The following INTS9 variants were observed in gnomAD, a reference collection of about 807,000 sequenced individuals.
INTS9 encodes the protein protein related to CPSF subunits of 74 kDa.
INTS9 carries 55 observed loss-of-function variants against 79.7 expected under a neutral mutation model. That is an observed-to-expected ratio of 0.69 (90% CI 0.56 to 0.86). The LOEUF is 0.86. INTS9 is among the 40% of genes least tolerant of loss of function. The probability of loss-of-function intolerance (pLI) is 0.00; values close to 1 mark genes in which losing one functional copy is unlikely to be tolerated. For synonymous variants in INTS9, 319 were observed against 325.2 expected, an observed-to-expected ratio of 0.98 and a Z score of 0.20; for missense variants, 721 against 831.5, an observed-to-expected ratio of 0.87 and a Z score of 1.64.
intron 11 of INTS9, among the ~76,000 whole-genome samples, chr8:28,783,069 C>T (rs1458254051): frequency 6.9e-6 from 1 of 145,818 alleles, no homozygotes; most frequent in Non-Finnish European, 1.5e-5. Context: ...GGCATGAACC[C>T]AGGAGGCGGA....
At chr8:28,880,515 C>A (rs1400460831) in intron 1 of INTS9, among the ~76,000 whole-genome samples, 2 of 151,858 alleles carry the variant, frequency 1.3e-5, no homozygotes, top group East Asian at 3.9e-4. Flanking sequence ...CCAGCCTCGG[C>A]CTCCCGAGGT....
chr8:28,867,719 GTTT>G (rs575142934), intron 1 of INTS9, among the ~76,000 whole-genome samples: 1 of 134,246 alleles, frequency 7.4e-6, no homozygotes. Flanking sequence ...TAACAAGTCT[GTTT>G]TTTTTTTTTT....
chr8:28,830,692 T>G (rs1304685297), intron 6 of INTS9, among the ~76,000 whole-genome samples: 1 of 151,584 alleles, frequency 6.6e-6, no homozygotes, highest in Admixed American at 6.6e-5. Context: ...TTATGCTGAG[T>G]TTATCTAGGA....
chr8:28,771,640 C>A (rs1307840714), intron 14 of INTS9, among the ~76,000 whole-genome samples: 1 of 152,236 alleles, frequency 6.6e-6, no homozygotes, highest in African/African-American at 2.4e-5. Context: ...AGCAGATTGG[C>A]AAGTGGTACG....
At chr8:28,852,100 T>C (rs113350875) in intron 2 of INTS9, among the ~76,000 whole-genome samples, 2 of 151,898 alleles carry the variant, frequency 1.3e-5, no homozygotes, top group African/African-American at 4.8e-5. Flanking sequence ...ACGCTTGCAG[T>C]CTCAGCTACT....
chr8:28,880,032 T>C (rs1385581106), intron 1 of INTS9, among the ~76,000 whole-genome samples: 1 of 152,112 alleles, frequency 6.6e-6, no homozygotes, highest in Non-Finnish European at 1.5e-5. Flanking sequence ...ACATATTACA[T>C]ATTACACCTC....
intron 14 of INTS9, among the ~76,000 whole-genome samples, chr8:28,773,463 CAAAAAA>C (rs142334976): frequency 9.3e-6 from 1 of 107,826 alleles, no homozygotes; most frequent in Non-Finnish European, 1.9e-5. Context: ...GACTCCGTCT[CAAAAAA>C]AAAAAAAAAA....
chr8:28,849,946 T>C, intron 3 of INTS9: 1 of 328,864 alleles, frequency 3.0e-6, no homozygotes, highest in Non-Finnish European at 5.5e-6. Flanking sequence ...GTTGTCTTTC[T>C]GTGGTGATAA....
chr8:28,804,384 G>A (rs955605731), intron 8 of INTS9, among the ~76,000 whole-genome samples: 4 of 152,222 alleles, frequency 2.6e-5, no homozygotes, highest in Admixed American at 6.5e-5. Context: ...TGCGGGTGGA[G>A]GAGAGGCTGG....
intron 11 of INTS9, among the ~76,000 whole-genome samples, 159 bp downstream of exon 11, chr8:28,787,665 CAAGTG>C (rs1803690906): frequency 1.3e-5 from 2 of 151,938 alleles, no homozygotes; most frequent in Non-Finnish European, 2.9e-5. Context: ...AGGAGGAAAG[CAAGTG>C]AAGCTTGAGT....
chr8:28,789,713 C>T (rs955877608), intron 10 of INTS9, among the ~76,000 whole-genome samples: 3 of 152,042 alleles, frequency 2.0e-5, no homozygotes, highest in East Asian at 1.9e-4. Flanking sequence ...CGAGATGCAA[C>T]CTTGTCTGTA....
chr8:28,781,477 G>GA, intron 11 of INTS9, among the ~76,000 whole-genome samples: 1 of 152,264 alleles, frequency 6.6e-6, no homozygotes, highest in South Asian at 2.1e-4. Flanking sequence ...AAGATATTTT[G>GA]AAAAATCATG....
At chr8:28,875,660 C>A (rs1809341082) in intron 1 of INTS9, among the ~76,000 whole-genome samples, 1 of 152,168 alleles carries the variant, frequency 6.6e-6, no homozygotes, top group Non-Finnish European at 1.5e-5. Context: ...CCCTACCCAC[C>A]CCTGATAAGA....
At chr8:28,814,799 A>G (rs1182274538) in intron 6 of INTS9, among the ~76,000 whole-genome samples, 2 of 152,158 alleles carry the variant, frequency 1.3e-5, no homozygotes, top group South Asian at 2.1e-4. Flanking sequence ...CCCTCAGGGT[A>G]GGGGGCTGAA....
chr8:28,803,960 G>A (rs1282299742), intron 8 of INTS9, among the ~76,000 whole-genome samples: 1 of 152,076 alleles, frequency 6.6e-6, no homozygotes, highest in Non-Finnish European at 1.5e-5. Context: ...GTCTCACTTT[G>A]TTGCCCAGGC....
intron 6 of INTS9, among the ~76,000 whole-genome samples, chr8:28,815,661 A>C (rs1345791237): frequency 6.6e-6 from 1 of 152,174 alleles, no homozygotes; most frequent in Admixed American, 6.5e-5. Flanking sequence ...TAATAGAAAC[A>C]CAAGAGTAGA....
chr8:28,881,482 G>T (rs1411368395), intron 1 of INTS9, among the ~76,000 whole-genome samples: 39 of 141,312 alleles, frequency 2.8e-4, no homozygotes, highest in Non-Finnish European at 3.0e-4. Context: ...GGGGAGGGGG[G>T]GGTCAGCCCC....
At chr8:28,868,323 C>T (rs978841849) in intron 1 of INTS9, among the ~76,000 whole-genome samples, 6 of 152,306 alleles carry the variant, frequency 3.9e-5, no homozygotes, top group Non-Finnish European at 8.8e-5. Context: ...GATTCTCTTA[C>T]TGTAAAGTAG....
At chr8:28,802,223 C>T (rs1195967503) in intron 8 of INTS9, among the ~76,000 whole-genome samples, 2 of 152,190 alleles carry the variant, frequency 1.3e-5, no homozygotes, top group Non-Finnish European at 2.9e-5. Flanking sequence ...CAATGGGCTT[C>T]TGAGGACTCC....
Sources: allele counts gnomAD v4.1 joint callset (sites outside exome capture counted in the v4.1 genomes callset), GRCh38; gene constraint gnomAD v4.1.1; transcripts MANE v1.5; gene names NCBI Gene and HGNC (gene_info 2026-07-23, HGNC 2026-07-21).